The following SYNDIG1L variants were observed in gnomAD, a reference collection of about 807,000 sequenced individuals.
SYNDIG1L encodes the protein synapse differentiation inducing 1 like.
A neutral mutation model predicts 20.1 loss-of-function variants in SYNDIG1L; 13 were observed. The ratio of observed to expected loss-of-function variants is 0.65; its 90% confidence interval spans 0.42 to 1.03. The LOEUF (loss-of-function observed/expected upper bound fraction) is 1.03. Among genes scored for constraint, SYNDIG1L ranks in the 50% least tolerant of loss-of-function variants. SYNDIG1L has a pLI of 0.00. For synonymous variants in SYNDIG1L, 128 were observed against 129.3 expected, an observed-to-expected ratio of 0.99 and a Z score of 0.07; for missense variants, 294 against 305.1, an observed-to-expected ratio of 0.96 and a Z score of 0.27.
chr14:74,476,556 G>A, the SYNDIG1L span: 5 of 1,535,680 alleles, frequency 3.3e-6, no homozygotes, highest in Non-Finnish European at 4.4e-6. Context: ...TCTGTGGCTA[G>A]CATTGGGCAG....
the SYNDIG1L span, among the ~76,000 whole-genome samples, chr14:74,451,921 C>T: frequency 4.6e-5 from 6 of 130,512 alleles, no homozygotes; most frequent in Admixed American, 4.6e-4. Context: ...ACCCAGGAGG[C>T]GGAGGTTGCA....
At chr14:74,411,785 C>T (rs901917461) in intron 1 of SYNDIG1L, among the ~76,000 whole-genome samples, 1 of 152,166 alleles carries the variant, frequency 6.6e-6, no homozygotes, top group Non-Finnish European at 1.5e-5. Context: ...AGACACTACC[C>T]GTGGCTCTCA....
At chr14:74,456,602 T>C in the SYNDIG1L span, among the ~76,000 whole-genome samples, 1 of 152,160 alleles carries the variant, frequency 6.6e-6, no homozygotes, top group Non-Finnish European at 1.5e-5. Flanking sequence ...ACTTTTAAAT[T>C]TCCATTTCCT....
At chr14:74,434,946 G>C in the SYNDIG1L span, among the ~76,000 whole-genome samples, 4 of 151,198 alleles carry the variant, frequency 2.6e-5, no homozygotes, top group African/African-American at 9.7e-5. Flanking sequence ...AGCCGGGCGT[G>C]GTGGTGGGTG....
intron 1 of SYNDIG1L, among the ~76,000 whole-genome samples, chr14:74,424,789 A>G (rs1424586719): frequency 6.6e-6 from 1 of 152,052 alleles, no homozygotes; most frequent in African/African-American, 2.4e-5. Context: ...TGGTATGGAG[A>G]TGTACAGGTG....
the SYNDIG1L span, among the ~76,000 whole-genome samples, chr14:74,435,835 G>T: frequency 6.6e-6 from 1 of 152,190 alleles, no homozygotes; most frequent in Admixed American, 6.5e-5. Context: ...GAGCAGTTTT[G>T]ATTTCTGCAG....
the SYNDIG1L span, among the ~76,000 whole-genome samples, chr14:74,439,142 C>T: frequency 6.7e-6 from 1 of 150,044 alleles, no homozygotes; most frequent in East Asian, 2.0e-4. Context: ...AAAGGCTCAG[C>T]TCGGGGGTTT....
chr14:74,412,930 C>T (rs997520710), intron 1 of SYNDIG1L, among the ~76,000 whole-genome samples: 3 of 152,304 alleles, frequency 2.0e-5, no homozygotes, highest in South Asian at 4.1e-4. Flanking sequence ...TGGGCTGAGG[C>T]ATGCAGGGGC....
chr14:74,447,919 AGTG>A, the SYNDIG1L span, among the ~76,000 whole-genome samples: 5 of 152,310 alleles, frequency 3.3e-5, no homozygotes, highest in Admixed American at 3.3e-4. Flanking sequence ...CTCTATGTAA[AGTG>A]GTAAAATATC....
In SYNDIG1L at chr14:74,406,510, C is replaced by G. The variant is rs908096379; in HGVS notation, c.*1025G>C. The stretch of plus-strand genomic sequence containing the variant: ...AATTCTATTCATCCTAGGACTTGCT[C>G]AAGGGATACCTCCTCCAGGAAGCCT... On this transcript the variant is annotated 3_prime_UTR_variant, in exon 4 of 4. Coordinates refer to ENST00000331628, the MANE Select transcript of SYNDIG1L (RefSeq NM_001105579.2). The G allele has an allele frequency of 6.4e-6, 1 of 155,874 alleles. No homozygotes were observed. Among genetic ancestry groups the G allele is most frequent in the African/African-American group, 2.4e-5 (1 of 41,616 alleles). 9.7% of individuals were successfully genotyped at this position (155,874 alleles called of 1,614,324 possible).
the SYNDIG1L span, among the ~76,000 whole-genome samples, chr14:74,441,510 T>TTA: frequency 3.7e-4 from 56 of 152,146 alleles, no homozygotes; most frequent in South Asian, 1.7e-3. Context: ...AATTTTGTTT[T>TTA]TATATATATA....
intron 2 of SYNDIG1L, among the ~76,000 whole-genome samples, chr14:74,408,346 C>A (rs1401118679): frequency 6.6e-6 from 1 of 152,032 alleles, no homozygotes; most frequent in Non-Finnish European, 1.5e-5. Context: ...GGTGGATCAC[C>A]TGAGGTCAGG....
intron 1 of SYNDIG1L, among the ~76,000 whole-genome samples, chr14:74,425,338 G>GA (rs925149765): frequency 1.3e-5 from 2 of 152,020 alleles, no homozygotes; most frequent in African/African-American, 2.4e-5. Context: ...AGTGTCATAG[G>GA]AAAAAAAATT....
At chr14:74,440,161 C>T in the SYNDIG1L span, among the ~76,000 whole-genome samples, 6 of 151,958 alleles carry the variant, frequency 3.9e-5, no homozygotes, top group East Asian at 1.9e-4. Context: ...GGGCAGATCA[C>T]GAGGTCAGGA....
At chr14:74,463,672 G>A in the SYNDIG1L span, among the ~76,000 whole-genome samples, 1 of 152,170 alleles carries the variant, frequency 6.6e-6, no homozygotes, top group Non-Finnish European at 1.5e-5. Context: ...AGAAGCCTAA[G>A]GGGTGATTTG....
At chr14:74,459,829 G>C in the SYNDIG1L span, among the ~76,000 whole-genome samples, 1 of 152,200 alleles carries the variant, frequency 6.6e-6, no homozygotes, top group Non-Finnish European at 1.5e-5. Flanking sequence ...GGCTGTTGCT[G>C]ACTCCTTCAG....
intron 1 of SYNDIG1L, among the ~76,000 whole-genome samples, chr14:74,415,997 T>C (rs543469928): frequency 6.6e-6 from 1 of 152,276 alleles, no homozygotes; most frequent in East Asian, 1.9e-4. Context: ...TAGTGTTTTA[T>C]TCCACTTATT....
intron 1 of SYNDIG1L, among the ~76,000 whole-genome samples, chr14:74,413,127 T>C (rs933099434): frequency 6.6e-6 from 1 of 152,212 alleles, no homozygotes; most frequent in African/African-American, 2.4e-5. Flanking sequence ...CAGGGGCAGC[T>C]GAATCCCAGT....
At chr14:74,459,825 T>G in the SYNDIG1L span, among the ~76,000 whole-genome samples, 1 of 152,210 alleles carries the variant, frequency 6.6e-6, no homozygotes, top group Non-Finnish European at 1.5e-5. Context: ...CCAGGGCTGT[T>G]GCTGACTCCT....
Sources: gnomAD v4.1 joint callset for allele counts (sites outside exome capture counted in the v4.1 genomes callset) on GRCh38, gnomAD v4.1.1 for gene constraint, MANE v1.5 for transcripts, NCBI Gene and HGNC (gene_info 2026-07-23, HGNC 2026-07-21) for gene names.